Variants in KCNAB1 observed in about 807,000 individuals in gnomAD.
KCNAB1 encodes potassium voltage-gated channel subfamily A regulatory beta subunit 1.
KCNAB1 carries 35 observed loss-of-function variants against 64.6 expected under a neutral mutation model. That is an observed-to-expected ratio of 0.54 (90% CI 0.41 to 0.72). The LOEUF is 0.72. KCNAB1 is among the 30% of genes least tolerant of loss of function. KCNAB1 has a pLI of 0.00. For missense variants in KCNAB1, 401 were observed against 512.9 expected (o/e 0.78, Z 2.11); for synonymous variants, 177 against 183.8 (o/e 0.96, Z 0.30).
At chr3:156,297,382 C>T (rs570833511) in intron 1 of KCNAB1, among the ~76,000 whole-genome samples, 6 of 147,152 alleles carry the variant, frequency 4.1e-5, no homozygotes, top group Non-Finnish European at 7.4e-5. Context: ...TATTTAGACA[C>T]GAGGGAACAT....
At chr3:156,344,937 G>A (rs1724384614) in intron 1 of KCNAB1, among the ~76,000 whole-genome samples, 1 of 152,084 alleles carries the variant, frequency 6.6e-6, no homozygotes, top group African/African-American at 2.4e-5. Context: ...ATTCTAAATA[G>A]GCAAAATAAA....
At chr3:156,248,576 A>AT (rs1717611880) in intron 1 of KCNAB1, among the ~76,000 whole-genome samples, 1 of 149,698 alleles carries the variant, frequency 6.7e-6, no homozygotes, top group Non-Finnish European at 1.5e-5. Flanking sequence ...AATGAATGCC[A>AT]TTAGTTAAGA....
At chr3:156,335,634 C>T (rs1177195350) in intron 1 of KCNAB1, among the ~76,000 whole-genome samples, 1 of 152,130 alleles carries the variant, frequency 6.6e-6, no homozygotes, top group Non-Finnish European at 1.5e-5. Flanking sequence ...TTAGGATTTC[C>T]AGACTCTGGA....
intron 1 of KCNAB1, among the ~76,000 whole-genome samples, chr3:156,415,800 G>A (rs559399242): frequency 2.6e-5 from 4 of 151,996 alleles, no homozygotes; most frequent in Non-Finnish European, 4.4e-5. Flanking sequence ...TCCCTCAGCC[G>A]CTGACCCAGC....
At chr3:156,385,637 A>T (rs984762030) in intron 1 of KCNAB1, among the ~76,000 whole-genome samples, 5 of 152,348 alleles carry the variant, frequency 3.3e-5, no homozygotes, top group Non-Finnish European at 5.9e-5. Context: ...TTGTAGAATA[A>T]TATTTTAAGT....
At chr3:156,229,134 T>C (rs1256891259) in intron 1 of KCNAB1, among the ~76,000 whole-genome samples, 1 of 152,212 alleles carries the variant, frequency 6.6e-6, no homozygotes, top group Non-Finnish European at 1.5e-5. Context: ...TTTCTTTCTA[T>C]GGTGTATTAG....
chr3:156,223,016 G>A (rs945680836), intron 1 of KCNAB1, among the ~76,000 whole-genome samples: 2 of 152,188 alleles, frequency 1.3e-5, no homozygotes, highest in East Asian at 1.9e-4. Flanking sequence ...TCCGGAATTG[G>A]TGGGTTCTTG....
chr3:156,402,297 C>G (rs919804001), intron 1 of KCNAB1, among the ~76,000 whole-genome samples: 7 of 151,932 alleles, frequency 4.6e-5, no homozygotes, highest in African/African-American at 1.5e-4. Context: ...AGTATATTTA[C>G]AAGTTAGTCT....
intron 1 of KCNAB1, among the ~76,000 whole-genome samples, chr3:156,222,821 C>A (rs916841263): frequency 6.6e-6 from 1 of 152,170 alleles, no homozygotes; most frequent in Non-Finnish European, 1.5e-5. Flanking sequence ...TAACCTGATC[C>A]TGAATGATTG....
Position 156,451,226 on chromosome 3 carries a change from G to A in KCNAB1, c.320-1673G>A, listed in dbSNP as rs115836301. On this transcript the variant is annotated intron_variant, in intron 2 of 13. Transcript: ENST00000490337. ...TACCAAGTGGATCAACAGCATTCTA[G>A]TCAAGCAAAACAAGGCGCCCTGTGG... Among the ~76,000 whole-genome samples the A allele has an allele frequency of 3.6e-3, 541 of 152,344 alleles. 1 individual carries two copies. Among genetic ancestry groups the A allele is most frequent in the African/African-American group, 0.012 (518 of 41,582 alleles).
chr3:156,509,719 C>T (rs1457560413), intron 8 of KCNAB1, among the ~76,000 whole-genome samples: 1 of 152,188 alleles, frequency 6.6e-6, no homozygotes, highest in African/African-American at 2.4e-5. Flanking sequence ...GGTTTAATCA[C>T]ATTTGTCTGA....
At chr3:156,416,991 C>G (rs1305997814) in intron 1 of KCNAB1, among the ~76,000 whole-genome samples, 1 of 152,198 alleles carries the variant, frequency 6.6e-6, no homozygotes, top group East Asian at 1.9e-4. Flanking sequence ...CAATGTCTGT[C>G]CTCAAAATGC....
At chr3:156,486,343 T>C (rs1231350908) in intron 8 of KCNAB1, among the ~76,000 whole-genome samples, 1 of 152,084 alleles carries the variant, frequency 6.6e-6, no homozygotes, top group African/African-American at 2.4e-5. Flanking sequence ...TTCAAAAGTA[T>C]AAAAGTTGAG....
chr3:156,295,309 TG>T (rs1422313446), intron 1 of KCNAB1, among the ~76,000 whole-genome samples: 1 of 152,194 alleles, frequency 6.6e-6, no homozygotes, highest in African/African-American at 2.4e-5. Context: ...TGGTGCTACC[TG>T]GCAGCTGAGG....
chr3:156,329,537 G>T (rs1723197574), intron 1 of KCNAB1, among the ~76,000 whole-genome samples: 1 of 152,136 alleles, frequency 6.6e-6, no homozygotes, highest in African/African-American at 2.4e-5. Flanking sequence ...TAGTAGATTA[G>T]GAATGACTAC....
intron 1 of KCNAB1, among the ~76,000 whole-genome samples, chr3:156,322,331 C>T (rs1722712354): frequency 6.6e-6 from 1 of 152,056 alleles, no homozygotes; most frequent in Non-Finnish European, 1.5e-5. Context: ...ACAGTCAGCC[C>T]TTTGTAGTTA....
intron 1 of KCNAB1, among the ~76,000 whole-genome samples, chr3:156,273,059 C>T (rs1486417023): frequency 6.6e-6 from 1 of 151,944 alleles, no homozygotes; most frequent in Non-Finnish European, 1.5e-5. Flanking sequence ...GCCCTATCTA[C>T]CATGGCCGAG....
At chr3:156,210,916 G>C (rs1239981806) in intron 1 of KCNAB1, among the ~76,000 whole-genome samples, 1 of 152,220 alleles carries the variant, frequency 6.6e-6, no homozygotes, top group Non-Finnish European at 1.5e-5. Flanking sequence ...GTGGGTGGGT[G>C]CCTCATAGTA....
intron 1 of KCNAB1, among the ~76,000 whole-genome samples, chr3:156,420,636 A>G (rs999667962): frequency 1.3e-5 from 2 of 152,250 alleles, no homozygotes; most frequent in Non-Finnish European, 2.9e-5. Context: ...GCCTTTTATC[A>G]GAGAATAAGG....
Sources: gnomAD v4.1 joint callset for allele counts (sites outside exome capture counted in the v4.1 genomes callset) on GRCh38, gnomAD v4.1.1 for gene constraint, MANE v1.5 for transcripts, NCBI Gene and HGNC (gene_info 2026-07-23, HGNC 2026-07-21) for gene names.